The following ABCD4 variants were observed in gnomAD, a reference collection of about 807,000 sequenced individuals.
ABCD4 encodes lysosomal cobalamin transporter ABCD4.
A neutral mutation model predicts 86.3 loss-of-function variants in ABCD4; 53 were observed. The ratio of observed to expected loss-of-function variants is 0.61; its 90% CI spans 0.49 to 0.77. ABCD4 has a LOEUF of 0.77. Ranked by LOEUF, ABCD4 falls within the 30% of genes least tolerant of loss-of-function variation. The pLI is 0.00. For missense variants in ABCD4, 757 were observed against 764.5 expected, an observed-to-expected ratio of 0.99 and a Z score of 0.12; for synonymous variants, 328 against 313.6, an observed-to-expected ratio of 1.05 and a Z score of -0.49.
At chr14:74,288,980 C>T (rs887820438) in intron 14 of ABCD4, 31 of 897,174 alleles carry the variant, frequency 3.5e-5, no homozygotes, top group Non-Finnish European at 4.5e-5. Context: ...GGCAAGGTGG[C>T]GTGCACCTGT....
At chr14:74,289,752 C>A (rs2080947447) in intron 13 of ABCD4, 2 of 1,433,628 alleles carry the variant, frequency 1.4e-6, no homozygotes, top group Non-Finnish European at 1.8e-6. Flanking sequence ...GGCAGGGGCC[C>A]CAGAATCCGA....
Position 74,286,488 on chromosome 14 carries a change from C to G in ABCD4, c.1794G>C (p.Trp598Cys), listed in dbSNP as rs773609274. 5 of 1,614,128 alleles carry G rather than the reference C, an allele frequency of 3.1e-6. No homozygotes were observed. The East Asian group carries it at 1.1e-4, about 36-fold the overall frequency. ...ATTCCACTTTGATTCTCATCAGCTC[C>G]CATCTTCCTCCTCCACAGAGTTTCA... ...LVLKLCGGGRWELMRIKVE is the reference protein window; with the variant it reads ...LVLKLCGGGRCELMRIKVE The change falls in exon 19 of 19, where the codon TGG becomes TGC. Residue 598 changes from tryptophan to cysteine, a missense_variant. By Grantham distance (215) the Trp-to-Cys change is radical. Transcript: ENST00000356924.
At chr14:74,290,643 C>G in intron 11 of ABCD4, 144 bp from the exon 12 acceptor site, 1 of 640,222 alleles carries the variant, frequency 1.6e-6, no homozygotes, top group South Asian at 1.8e-5. Flanking sequence ...AAGTCCAGCC[C>G]CCTAGTGACT....
In ABCD4 at chr14:74,295,918, T is replaced by C; in HGVS notation, c.604A>G (p.Lys202Glu). The C allele has an allele frequency of 6.2e-7, 1 of 1,613,216 alleles. No individual in the cohort carries two copies. Among genetic ancestry groups the C allele is most frequent in the East Asian group, 2.2e-5 (1 of 44,850 alleles). The part of the protein sequence containing the change: ...GYFILGTVVN[K>E]TLMGPIVMKL... ...ATCACAATGGGGCCCATCAAAGTTT[T>C]GTTCACCACGGTCCCCAGGATGAAA... Residue 202 changes from lysine (K) to glutamate (E), a missense_variant, in exon 6 of 19, where the codon AAA becomes GAA. Lys to Glu is a moderately conservative substitution (Grantham distance 56). Transcript: ENST00000356924.
intron 4 of ABCD4, 59 bp from the exon 5 acceptor site, chr14:74,296,508 A>C (rs2082911063): frequency 1.3e-6 from 2 of 1,490,054 alleles, no homozygotes; most frequent in Admixed American, 1.7e-5. Context: ...GGTAGAGAGA[A>C]CAAGAAACTT....
rs773214307 is a variant in ABCD4, at chr14:74,299,584, T to C, written c.249A>G (p.Thr83=). 84 of 1,613,800 alleles carry C rather than the reference T, an allele frequency of 5.2e-5. No individual in the cohort carries two copies. The highest frequency in any genetic ancestry group is 3.3e-4 in the Middle Eastern group (2 of 6,084). The change falls in exon 3 of 19, where the codon ACA becomes ACG. Residue 83 remains threonine (T), a synonymous_variant. Transcript: ENST00000356924. ...GAACAATGAGCATGACAGCCAGGAA[T>C]GTCAGAGTCTTAAACCCTTCCAAGT... is the stretch of plus-strand genomic sequence containing the variant. The part of the protein sequence containing the change: ...NKDLEGFKTL[T]FLAVMLIVLN...
intron 9 of ABCD4, 38 bp from the exon 10 acceptor site, chr14:74,292,680 C>G (rs778437651): frequency 1.2e-6 from 2 of 1,613,860 alleles, no homozygotes; most frequent in East Asian, 4.5e-5. Flanking sequence ...GGTCTCGACT[C>G]GAGCCCACAG....
chr14:74,288,440 C>T, intron 15 of ABCD4, 181 bp from the exon 16 acceptor site: 1 of 663,056 alleles, frequency 1.5e-6, no homozygotes, highest in East Asian at 2.7e-5. Context: ...GAATATTCTA[C>T]CAATGACACT....
Position 74,290,038 on chromosome 14 carries a change from G to A in ABCD4, c.1408C>T (p.Leu470Phe). The part of the protein sequence containing the change: ...PQKPFFTDGT[L>F]REQVIYPLKE... ...TGAACTAGACTGACCTGCTCCCGAA[G>A]GGTCCCGTCAGTGAAGAATGGCTTT... is the stretch of plus-strand genomic sequence containing the variant. Residue 470 changes from leucine to phenylalanine, a missense_variant, in exon 13 of 19, where the codon CTT (leucine) becomes TTT (phenylalanine). Physicochemically the swap from Leu to Phe is conservative, Grantham distance 22 (BLOSUM62 0). Coordinates refer to ENST00000356924, the MANE Select transcript of ABCD4 (RefSeq NM_005050.4). 1 of 1,614,156 alleles carries A rather than the reference G, an allele frequency of 6.2e-7. No individual in the cohort carries two copies. The highest frequency in any genetic ancestry group is 1.1e-5 in the South Asian group (1 of 91,082).
Position 74,286,493 on chromosome 14 carries a change from T to C in ABCD4, c.1789A>G (p.Arg597Gly). 1 of 1,614,250 alleles carries C rather than the reference T, an allele frequency of 6.2e-7. No homozygotes were observed. Among genetic ancestry groups the C allele is most frequent in the Non-Finnish European group, 8.5e-7 (1 of 1,180,046 alleles). ...SLVLKLCGGG[R>G]WELMRIKVE ...ACTTTGATTCTCATCAGCTCCCATC[T>C]TCCTCCTCCACAGAGTTTCAGAACC... is the stretch of plus-strand genomic sequence containing the variant. The change falls in exon 19 of 19, where the codon AGA becomes GGA. Residue 597 changes from arginine (R) to glycine (G), a missense_variant. Physicochemically the swap from Arg to Gly is moderately radical, Grantham distance 125. Transcript: ENST00000356924.
intron 3 of ABCD4, 79 bp from the exon 4 acceptor site, chr14:74,298,148 C>T (rs2083363320): frequency 1.9e-6 from 3 of 1,548,236 alleles, no homozygotes; most frequent in Non-Finnish European, 2.6e-6. Flanking sequence ...CTCGCAAGAG[C>T]CTCCGCTGAC....
In ABCD4 at chr14:74,288,773, A is replaced by G; in HGVS notation, c.1457-8T>C. 2.5e-6 allele frequency: 4 copies of G among 1,613,268 alleles called. No homozygotes were observed. The highest frequency in any genetic ancestry group is 3.4e-6 in the Non-Finnish European group (4 of 1,179,684). Reference sequence around the variant, plus strand: ...TCTCATCATCGGCAGAACCTGCACAACAAAGAAGCCTTCTGCAAAAAGCCA... The same window carrying G: ...TCTCATCATCGGCAGAACCTGCACAGCAAAGAAGCCTTCTGCAAAAAGCCA... On this transcript the variant is annotated splice_polypyrimidine_tract_variant and splice_region_variant and intron_variant, in intron 14 of 18. Transcript: ENST00000356924.
chr14:74,298,247 A>G (rs1480086922), intron 3 of ABCD4, among the ~76,000 whole-genome samples, 178 bp from the exon 4 acceptor site: 3 of 152,002 alleles, frequency 2.0e-5, no homozygotes, highest in Non-Finnish European at 1.5e-5. Context: ...TCCCTTCCTC[A>G]CTCACTCACG....
intron 8 of ABCD4, 96 bp downstream of exon 8, chr14:74,293,056 GCA>G (rs767033228): frequency 9.6e-6 from 14 of 1,460,420 alleles, no homozygotes; most frequent in Non-Finnish European, 1.3e-5. Context: ...CTTCATCATG[GCA>G]CATTTATCCT....
At chr14:74,290,224 C>G in intron 12 of ABCD4, 67 bp downstream of exon 12, 1 of 1,610,526 alleles carries the variant, frequency 6.2e-7, no homozygotes, top group East Asian at 2.2e-5. Context: ...TCTACCACAC[C>G]GTCCCCGCCT....
intron 11 of ABCD4, among the ~76,000 whole-genome samples, chr14:74,290,870 A>G (rs1377733493): frequency 6.6e-6 from 1 of 151,806 alleles, no homozygotes; most frequent in Non-Finnish European, 1.5e-5. Flanking sequence ...ACAGGGTTTC[A>G]CTATGTTGGC....
At chr14:74,287,959 G>A (rs1452447931) in intron 16 of ABCD4, 73 bp from the exon 17 acceptor site, 19 of 1,402,732 alleles carry the variant, frequency 1.4e-5, no homozygotes, top group Non-Finnish European at 1.7e-5. Context: ...AATGGTCTGG[G>A]TAGGAAGAGG....
intron 17 of ABCD4, among the ~76,000 whole-genome samples, chr14:74,287,487 C>G (rs780646442): frequency 1.3e-5 from 2 of 148,654 alleles, no homozygotes; most frequent in Non-Finnish European, 3.0e-5. Context: ...CTGGGAGTTC[C>G]AGGCTGCACT....
chr14:74,286,722 T>C lies in ABCD4; in HGVS notation c.1731A>G (p.Gly577=). 1 of 1,614,132 alleles carries C rather than the reference T, an allele frequency of 6.2e-7. No individual in the cohort carries two copies. Among genetic ancestry groups the C allele is most frequent in the Non-Finnish European group, 8.5e-7 (1 of 1,180,038 alleles). The change falls in exon 18 of 19, where the codon GGA becomes GGG. Residue 577 remains glycine (G), a synonymous_variant. Coordinates refer to ENST00000356924, the MANE Select transcript of ABCD4 (RefSeq NM_005050.4). ...QQLGMTFISV[G]HRQSLEKFHS... ...GTACCTTCTCAAGGCTCTGCCGATG[T>C]CCCACACTGATGAACGTCATCCCCA...
Sources: gnomAD v4.1 joint callset for allele counts (sites outside exome capture counted in the v4.1 genomes callset) on GRCh38, gnomAD v4.1.1 for gene constraint, MANE v1.5 for transcripts, NCBI Gene and HGNC (gene_info 2026-07-23, HGNC 2026-07-21) for gene names.